The following HOMER1 variants were observed in gnomAD, a reference collection of about 807,000 sequenced individuals.
HOMER1 encodes homer scaffold protein 1, also known as homer protein homolog 1.
A neutral mutation model predicts 48.9 loss-of-function variants in HOMER1; 3 were observed. The ratio of observed to expected loss-of-function variants is 0.06; its 90% CI spans 0.03 to 0.16. The LOEUF is 0.16. HOMER1 is among the 10% of genes least tolerant of loss of function. The pLI is 1.00. For synonymous variants in HOMER1, 134 were observed against 146.4 expected (o/e 0.92, Z 0.61); for missense variants, 247 against 411.4 (o/e 0.60, Z 3.46).
At chr5:79,410,321 G>T (rs994617985) in intron 5 of HOMER1, among the ~76,000 whole-genome samples, 4 of 151,658 alleles carry the variant, frequency 2.6e-5, no homozygotes, top group African/African-American at 9.7e-5. Context: ...GAGAAACCAC[G>T]TCTCTACTAA....
chr5:79,486,593 T>C (rs1167064769), intron 1 of HOMER1, among the ~76,000 whole-genome samples: 1 of 152,146 alleles, frequency 6.6e-6, no homozygotes, highest in Admixed American at 6.5e-5. Flanking sequence ...TATTAGAACA[T>C]CAATTTTTGA....
intron 5 of HOMER1, among the ~76,000 whole-genome samples, chr5:79,414,251 T>C (rs1282808237): frequency 1.6e-5 from 2 of 121,972 alleles, no homozygotes; most frequent in Admixed American, 1.7e-4. Flanking sequence ...TGGCTAATTT[T>C]TGCTTTTGTT....
At chr5:79,470,784 CAATG>C (rs1751594008) in intron 1 of HOMER1, among the ~76,000 whole-genome samples, 1 of 152,024 alleles carries the variant, frequency 6.6e-6, no homozygotes, top group African/African-American at 2.4e-5. Flanking sequence ...AACACCTTAG[CAATG>C]CATATCAAAA....
In HOMER1 at chr5:79,514,054, G is replaced by C. The variant is rs1374166215; in HGVS notation, c.-1280C>G. On this transcript the variant is annotated 5_prime_UTR_variant, in exon 1 of 9. Transcript: ENST00000334082. ...GAAGCCTGCCGCTGCCTCCGCCTCC[G>C]CCGGCCGGCCGGCTGGCAGAGAAGA... 3 of 152,226 alleles carry C rather than the reference G, an allele frequency of 2.0e-5. No homozygotes were observed. The East Asian group carries it at 5.8e-4, about 29-fold the overall frequency. 9.4% of individuals were successfully genotyped at this position (152,226 alleles called of 1,614,324 possible). A position where few individuals can be genotyped will look rare whatever the true frequency, so the allele number is the denominator to read the frequency against.
chr5:79,435,130 A>C (rs1291031641), intron 5 of HOMER1, among the ~76,000 whole-genome samples: 1 of 152,312 alleles, frequency 6.6e-6, no homozygotes, highest in East Asian at 1.9e-4. Context: ...AAAAGTTATA[A>C]ATACTAAAAA....
intron 8 of HOMER1, among the ~76,000 whole-genome samples, chr5:79,377,851 A>G (rs1748815139): frequency 6.6e-6 from 1 of 152,156 alleles, no homozygotes; most frequent in South Asian, 2.1e-4. Context: ...ACTTTTTTCC[A>G]AAAATTTATT....
chr5:79,475,176 G>A (rs1037690990), intron 1 of HOMER1, among the ~76,000 whole-genome samples: 1 of 151,750 alleles, frequency 6.6e-6, no homozygotes, highest in African/African-American at 2.4e-5. Context: ...TTTATGAAAT[G>A]ATTACTATCC....
At chr5:79,452,396 T>C (rs899135388) in intron 2 of HOMER1, among the ~76,000 whole-genome samples, 9 of 152,206 alleles carry the variant, frequency 5.9e-5, no homozygotes, top group African/African-American at 1.7e-4. Flanking sequence ...GCTAATACCA[T>C]AAAAGTGAGG....
At chr5:79,392,248 C>T (rs1389141706) in intron 8 of HOMER1, among the ~76,000 whole-genome samples, 2 of 152,076 alleles carry the variant, frequency 1.3e-5, no homozygotes, top group South Asian at 2.1e-4. Flanking sequence ...CAGGCAGGTC[C>T]TTCAGGGGGT....
At chr5:79,423,117 T>C (rs543456732) in intron 5 of HOMER1, among the ~76,000 whole-genome samples, 16 of 152,304 alleles carry the variant, frequency 1.1e-4, no homozygotes, top group African/African-American at 3.6e-4. Flanking sequence ...TATAGCAGTA[T>C]GTAAAAGTTA....
chr5:79,483,552 C>T (rs1159487658), intron 1 of HOMER1, among the ~76,000 whole-genome samples: 1 of 150,556 alleles, frequency 6.6e-6, no homozygotes, highest in Non-Finnish European at 1.5e-5. Flanking sequence ...CTCAGACATA[C>T]AAAAGCTGAA....
chr5:79,499,391 T>C (rs1001434979), intron 1 of HOMER1, among the ~76,000 whole-genome samples: 2 of 152,216 alleles, frequency 1.3e-5, no homozygotes, highest in Non-Finnish European at 2.9e-5. Flanking sequence ...AGTACTTTAA[T>C]GTATTCAAAA....
chr5:79,506,840 CCAAA>C lies in HOMER1; in HGVS notation c.5+5926_5+5929del, dbSNP rs759466737. 1.3e-4 allele frequency among the ~76,000 whole-genome samples: 18 copies of C among 140,574 alleles called. 1 individual carries two copies. The highest frequency in any genetic ancestry group is 2.1e-4 in the Non-Finnish European group (14 of 65,942). The allele number at this position is 140,574 out of a possible 152,430, so 92.2% of individuals were successfully genotyped here. On this transcript the variant is annotated intron_variant, in intron 1 of 8. Transcript: ENST00000334082. ...CCACTGCACTGTCTCAAAAACAAAA[CCAAA>C]CAAACAAAAAAATATATATATATAT...
chr5:79,379,359 AATATTTATAT>A (rs1348884102), intron 8 of HOMER1, among the ~76,000 whole-genome samples: 2 of 111,746 alleles, frequency 1.8e-5, no homozygotes, highest in African/African-American at 7.2e-5. Context: ...ATATTATATA[AATATTTATAT>A]ATATTTATAT....
At chr5:79,497,229 A>G (rs534022436) in intron 1 of HOMER1, among the ~76,000 whole-genome samples, 1 of 152,310 alleles carries the variant, frequency 6.6e-6, no homozygotes, top group South Asian at 2.1e-4. Context: ...GTTTAAAACC[A>G]TACATTCAGA....
chr5:79,431,689 TG>T (rs1050004166), intron 5 of HOMER1, among the ~76,000 whole-genome samples: 106 of 152,308 alleles, frequency 7.0e-4, no homozygotes, highest in African/African-American at 2.5e-3. Flanking sequence ...TTAACAATTT[TG>T]TCAACAGTGA....
chr5:79,500,008 T>C (rs1243467018), intron 1 of HOMER1, among the ~76,000 whole-genome samples: 2 of 152,150 alleles, frequency 1.3e-5, no homozygotes, highest in African/African-American at 4.8e-5. Context: ...GTCATGCTAT[T>C]ACAAGAAAAA....
chr5:79,389,689 G>A (rs929628673), intron 8 of HOMER1, among the ~76,000 whole-genome samples: 10 of 152,262 alleles, frequency 6.6e-5, no homozygotes, highest in South Asian at 6.2e-4. Flanking sequence ...AAACCCGCCC[G>A]TACCTTGACC....
At chr5:79,498,569 ATCTCT>A (rs1277903950) in intron 1 of HOMER1, among the ~76,000 whole-genome samples, 1 of 152,146 alleles carries the variant, frequency 6.6e-6, no homozygotes, top group Non-Finnish European at 1.5e-5. Context: ...TTTAGGCAGG[ATCTCT>A]TCTCTTCACT....
Sources: gnomAD v4.1 joint callset for allele counts (sites outside exome capture counted in the v4.1 genomes callset) on GRCh38, gnomAD v4.1.1 for gene constraint, MANE v1.5 for transcripts, NCBI Gene and HGNC (gene_info 2026-07-23, HGNC 2026-07-21) for gene names.